RUSC2: variants seen among roughly 807,000 people sequenced by gnomAD.
The protein encoded by RUSC2 is AP-4 complex accessory subunit RUSC2.
In RUSC2, 34 loss-of-function variants were observed where a neutral mutation model predicts 122.2. That is an observed-to-expected ratio of 0.28 (90% CI 0.21 to 0.37). The LOEUF is 0.37. Among genes scored for constraint, RUSC2 ranks in the 10% least tolerant of loss-of-function variants. The pLI, the probability that RUSC2 is intolerant of heterozygous loss-of-function variation, is 1.00. For missense variants in RUSC2, 1,747 were observed against 1,952.4 expected, an observed-to-expected ratio of 0.89 and a Z score of 1.98; for synonymous variants, 784 against 790.0, an observed-to-expected ratio of 0.99 and a Z score of 0.13.
rs1282216777 is a variant in RUSC2 at position 35,504,428 on chromosome 9, G to A, written c.-93+14256G>A. Among the ~76,000 whole-genome samples the A allele has an allele frequency of 2.7e-5, 4 of 150,622 alleles. No individual in the cohort carries two copies. The East Asian group carries it at 7.8e-4, about 29-fold the overall frequency. On this transcript the variant is annotated intron_variant, in intron 1 of 11. Coordinates refer to ENST00000361226, the MANE Select transcript of RUSC2 (RefSeq NM_014806.5). ...TCTCTGAAATGTTTGTTCATATCCT[G>A]GCAATTTTCTATTAAGATCTTAGTT...
chr9:35,546,511 A>G lies in RUSC2; in HGVS notation c.-11A>G, dbSNP rs1179712130. 2 of 1,407,676 alleles carry G rather than the reference A, an allele frequency of 1.4e-6. No homozygotes were observed. The highest frequency in any genetic ancestry group is 1.9e-6 in the Non-Finnish European group (2 of 1,076,174). The allele number at this position is 1,407,676 out of a possible 1,614,324, so 87.2% of individuals were successfully genotyped here. A position where few individuals can be genotyped will look rare whatever the true frequency, so the allele number is the denominator to read the frequency against. On this transcript the variant is annotated 5_prime_UTR_variant, in exon 2 of 12. Coordinates refer to ENST00000361226, the MANE Select transcript of RUSC2 (RefSeq NM_014806.5). The surrounding 1 kb of genome is among the most constrained non-coding windows in gnomAD (Gnocchi z 4.3). ...CTGGTGCTGTTGAAGCCCTTATTCGAACTTTCCAGAATGGATAGTCCCCCA... is the reference window on the plus strand; with the variant it reads ...CTGGTGCTGTTGAAGCCCTTATTCGGACTTTCCAGAATGGATAGTCCCCCA...
intron 1 of RUSC2, among the ~76,000 whole-genome samples, chr9:35,501,570 C>G (rs2132494541): frequency 6.6e-6 from 1 of 152,244 alleles, no homozygotes; most frequent in Admixed American, 6.5e-5. Flanking sequence ...GAGTGAGGCT[C>G]CATCTCAAAA....
At chr9:35,493,416 G>T (rs568070260) in intron 1 of RUSC2, among the ~76,000 whole-genome samples, 4 of 152,260 alleles carry the variant, frequency 2.6e-5, no homozygotes, top group African/African-American at 9.6e-5. Context: ...CCGTGGCTTT[G>T]CTATTGTAAA....
intron 2 of RUSC2, 63 bp from the exon 3 acceptor site, chr9:35,554,997 G>C: frequency 6.3e-7 from 1 of 1,586,224 alleles, no homozygotes; most frequent in Non-Finnish European, 8.6e-7. Context: ...TCTGCTTCTG[G>C]GTTTTCTCTC....
intron 1 of RUSC2, among the ~76,000 whole-genome samples, chr9:35,494,975 A>C (rs541370680): frequency 2.6e-5 from 3 of 115,306 alleles, no homozygotes; most frequent in Non-Finnish European, 5.1e-5. Context: ...ATTTATATAT[A>C]TTATATAATA....
intron 1 of RUSC2, among the ~76,000 whole-genome samples, chr9:35,522,324 G>A (rs1821231797): frequency 6.6e-6 from 1 of 152,206 alleles, no homozygotes; most frequent in South Asian, 2.1e-4. Context: ...AACAAACTAT[G>A]GTCAGTTCTG....
At chr9:35,508,803 C>T (rs752185001) in intron 1 of RUSC2, among the ~76,000 whole-genome samples, 7 of 152,134 alleles carry the variant, frequency 4.6e-5, no homozygotes, top group Non-Finnish European at 1.0e-4. Flanking sequence ...CATCATTTAA[C>T]CTCTTTTCTT....
At position 35,560,129 on chromosome 9, in the gene RUSC2, G is replaced by A; in HGVS notation, c.3489G>A (p.Leu1163=). ...FEELLLLLQP[L]ALLPFSLDLL... ...AGCTGCTGCTGCTGCTACAGCCCCT[G>A]GCCCTGCTGCCCTTCAGCCTCGACT... The change falls in exon 10 of 12, where the codon CTG becomes CTA. Residue 1163 remains leucine, a synonymous_variant. Transcript: ENST00000361226. The A allele has an allele frequency of 6.2e-7, 1 of 1,611,762 alleles. No homozygotes were observed. The highest frequency in any genetic ancestry group is 8.5e-7 in the Non-Finnish European group (1 of 1,179,988).
intron 1 of RUSC2, among the ~76,000 whole-genome samples, chr9:35,514,461 T>TCC: frequency 6.6e-6 from 1 of 152,156 alleles, no homozygotes. Flanking sequence ...TCGAAGGGTT[T>TCC]TTAAGCATGA....
intron 1 of RUSC2, among the ~76,000 whole-genome samples, chr9:35,521,476 A>T (rs1230777411): frequency 6.6e-6 from 1 of 152,216 alleles, no homozygotes. Context: ...GCTCTAGCTT[A>T]TTCTTTTCCT....
chr9:35,506,964 A>T (rs1820927980), intron 1 of RUSC2, among the ~76,000 whole-genome samples: 2 of 152,090 alleles, frequency 1.3e-5, no homozygotes, highest in Non-Finnish European at 2.9e-5. Flanking sequence ...AAAAAAATTT[A>T]AAAATTATCT....
intron 1 of RUSC2, among the ~76,000 whole-genome samples, chr9:35,519,121 T>C (rs1821164374): frequency 6.6e-6 from 1 of 152,206 alleles, no homozygotes; most frequent in African/African-American, 2.4e-5. Flanking sequence ...GCTGAACTGT[T>C]TTCAACAAGA....
rs750231486 is a variant in RUSC2 at position 35,558,616 on chromosome 9, C to T, written c.3341+49C>T. 8 of 1,451,068 alleles carry T rather than the reference C, an allele frequency of 5.5e-6. No individual in the cohort carries two copies. The highest frequency in any genetic ancestry group is 1.1e-5 in the South Asian group (1 of 87,828). The allele number at this position is 1,451,068 out of a possible 1,614,324, so 89.9% of individuals were successfully genotyped here. On this transcript the variant is annotated intron_variant, in intron 8 of 11. Coordinates refer to ENST00000361226, the MANE Select transcript of RUSC2 (RefSeq NM_014806.5). The surrounding 1 kb of genome is among the most constrained non-coding windows in gnomAD (Gnocchi z 4.3). ...CCCCTAAACAACTTGCCCTGCCCCCCACCCCCGGGCTCTGCCTGCACCAAG... is the reference window on the plus strand; with the variant it reads ...CCCCTAAACAACTTGCCCTGCCCCCTACCCCCGGGCTCTGCCTGCACCAAG...
intron 1 of RUSC2, among the ~76,000 whole-genome samples, chr9:35,537,378 G>C (rs1304348260): frequency 6.6e-6 from 1 of 152,220 alleles, no homozygotes; most frequent in Non-Finnish European, 1.5e-5. Flanking sequence ...AGCTAGGCGA[G>C]AGGAAAGCAT....
chr9:35,496,434 T>C (rs558350471), intron 1 of RUSC2, among the ~76,000 whole-genome samples: 4 of 152,322 alleles, frequency 2.6e-5, no homozygotes, highest in African/African-American at 9.6e-5. Flanking sequence ...TTAGAGATGC[T>C]ATGTCTCTTG....
At chr9:35,496,441 C>G (rs1820715451) in intron 1 of RUSC2, among the ~76,000 whole-genome samples, 1 of 152,178 alleles carries the variant, frequency 6.6e-6, no homozygotes, top group Non-Finnish European at 1.5e-5. Flanking sequence ...TGCTATGTCT[C>G]TTGCACCTGC....
At chr9:35,518,407 G>A (rs1267099463) in intron 1 of RUSC2, among the ~76,000 whole-genome samples, 1 of 152,162 alleles carries the variant, frequency 6.6e-6, no homozygotes, top group African/African-American at 2.4e-5. Context: ...CCTGGCTCCA[G>A]AGTAAGCTAG....
intron 1 of RUSC2, among the ~76,000 whole-genome samples, chr9:35,528,394 A>T (rs561576485): frequency 6.6e-6 from 1 of 152,202 alleles, no homozygotes; most frequent in East Asian, 1.9e-4. Flanking sequence ...TTTAAAAAAA[A>T]AAAAGTATAT....
intron 1 of RUSC2, among the ~76,000 whole-genome samples, chr9:35,525,823 GC>G (rs1821315878): frequency 6.6e-6 from 1 of 152,104 alleles, no homozygotes; most frequent in Non-Finnish European, 1.5e-5. Context: ...GGTGGCTTCT[GC>G]CTGTAACCCC....
Sources: gnomAD v4.1 joint callset for allele counts (sites outside exome capture counted in the v4.1 genomes callset) on GRCh38, gnomAD v4.1.1 for gene constraint, Gnocchi (gnomAD v3.1) non-coding constraint, MANE v1.5 for transcripts, NCBI Gene and HGNC (gene_info 2026-07-23, HGNC 2026-07-21) for gene names.